CDHR1: variants seen among roughly 807,000 people sequenced by gnomAD.
CDHR1 encodes the protein cadherin-related family member 1.
CDHR1 carries 61 observed loss-of-function variants against 72.1 expected under a neutral mutation model. The ratio of observed to expected loss-of-function variants is 0.85; its 90% confidence interval spans 0.69 to 1.05. The LOEUF (loss-of-function observed/expected upper bound fraction) is 1.05, where lower values mean the gene tolerates loss of function less well. Ranked by LOEUF, CDHR1 falls within the 50% of genes least tolerant of loss-of-function variation. CDHR1 has a pLI of 0.00. For missense variants in CDHR1, 1,186 were observed against 1,115.7 expected (o/e 1.06, Z -0.90); for synonymous variants, 470 against 448.1 (o/e 1.05, Z -0.62).
At chr10:84,219,005 A>C, downstream of CDHR1, 1 of 627,196 alleles carries the variant, frequency 1.6e-6, no homozygotes, top group Non-Finnish European at 2.6e-6. Flanking sequence ...GAATAACCCT[A>C]TGAGGTAAGG....
At chr10:84,197,284 C>T (rs980273009) in intron 3 of CDHR1, among the ~76,000 whole-genome samples, 14 of 152,092 alleles carry the variant, frequency 9.2e-5, no homozygotes, top group African/African-American at 2.9e-4. Flanking sequence ...CTGCCAGTAC[C>T]CCACTCCCTG....
chr10:84,215,867 C>T lies in CDHR1; in HGVS notation c.*1246C>T, dbSNP rs1047483239. On this transcript the variant is annotated 3_prime_UTR_variant, in exon 17 of 17. Coordinates refer to ENST00000623527, the MANE Select transcript of CDHR1 (RefSeq NM_033100.4). ...TTCTGTTCTTCCCTCACTCCATCCCCGCTACCGTCCTGGCCAGCTACCGTC... is the reference window on the plus strand; with the variant it reads ...TTCTGTTCTTCCCTCACTCCATCCCTGCTACCGTCCTGGCCAGCTACCGTC... 2 of 985,522 alleles carry T rather than the reference C, an allele frequency of 2.0e-6. No individual in the cohort carries two copies. The highest frequency in any genetic ancestry group is 2.4e-6 in the Non-Finnish European group (2 of 830,022). 61.0% of individuals were successfully genotyped at this position (985,522 alleles called of 1,614,324 possible).
Position 84,216,653 on chromosome 10 carries a change from C to T in CDHR1, c.*2032C>T, listed in dbSNP as rs1031839998. 1.0e-6 allele frequency: 1 copy of T among 985,500 alleles called. No homozygotes were observed. Among genetic ancestry groups the T allele is most frequent in the Non-Finnish European group, 1.2e-6 (1 of 829,948 alleles). The allele number at this position is 985,500 out of a possible 1,614,324, so 61.0% of individuals were successfully genotyped here. On this transcript the variant is annotated 3_prime_UTR_variant, in exon 17 of 17. Coordinates refer to ENST00000623527, the MANE Select transcript of CDHR1 (RefSeq NM_033100.4). ...GCAGGTGGATCCATTCTTCGACCCC[C>T]AGATGTGACTCTAAAGAAGGCTGAA...
intron 4 of CDHR1, among the ~76,000 whole-genome samples, chr10:84,198,723 A>C (rs533010745): frequency 6.6e-6 from 1 of 152,320 alleles, no homozygotes; most frequent in South Asian, 2.1e-4. Flanking sequence ...TACTGCTGCT[A>C]TCACCTTGAG....
intron 5 of CDHR1, among the ~76,000 whole-genome samples, 165 bp downstream of exon 5, chr10:84,199,286 C>T (rs930584374): frequency 2.0e-5 from 3 of 152,202 alleles, no homozygotes; most frequent in Non-Finnish European, 4.4e-5. Flanking sequence ...TGTTCATTTG[C>T]TTTTTTCCAT....
chr10:84,210,321 A>T (rs1249495417), intron 12 of CDHR1, among the ~76,000 whole-genome samples: 5 of 151,976 alleles, frequency 3.3e-5, no homozygotes, highest in African/African-American at 1.2e-4. Context: ...GTTGGAGTGC[A>T]GTGGCACAAT....
intron 9 of CDHR1, among the ~76,000 whole-genome samples, 184 bp downstream of exon 9, chr10:84,204,789 A>G (rs1487998481): frequency 6.6e-6 from 1 of 152,170 alleles, no homozygotes; most frequent in South Asian, 2.1e-4. Context: ...CCTGCCTGTC[A>G]TGATATCCAA....
chr10:84,210,908 G>T, intron 12 of CDHR1, 93 bp from the exon 13 acceptor site: 1 of 1,378,032 alleles, frequency 7.3e-7, no homozygotes, highest in African/African-American at 1.4e-5. Context: ...CACGGCAGAT[G>T]GATGCCACAT....
At chr10:84,198,600 C>T (rs1842067981) in intron 4 of CDHR1, among the ~76,000 whole-genome samples, 1 of 152,212 alleles carries the variant, frequency 6.6e-6, no homozygotes, top group Non-Finnish European at 1.5e-5. Context: ...TCTAAGAAGC[C>T]CACCTGCTCT....
chr10:84,200,147 A>T (rs991392347), intron 5 of CDHR1, among the ~76,000 whole-genome samples: 10 of 149,570 alleles, frequency 6.7e-5, no homozygotes, highest in Non-Finnish European at 1.5e-4. Flanking sequence ...TCCAACCTGG[A>T]TAACAAGGGC....
rs140097244 is a variant in CDHR1 at position 84,212,214 on chromosome 10, C to T, written c.1589C>T (p.Thr530Ile). ...LIHPSTGLIY[T>I]QPWASLDAEA... ...CACCCATCCACTGGGCTTATCTACA[C>T]CCAGCCCTGGGCTAGCCTGGACGCT... The change falls in exon 15 of 17, where the codon ACC becomes ATC. Residue 530 changes from threonine (T) to isoleucine (I), a missense_variant. Transcript: ENST00000623527. 1 of 1,614,128 alleles carries T rather than the reference C, an allele frequency of 6.2e-7. No homozygotes were observed. The highest frequency in any genetic ancestry group is 2.2e-5 in the East Asian group (1 of 44,902).
rs1022664009 is a variant in CDHR1 at position 84,196,735 on chromosome 10, T to G, written c.297+85T>G. The G allele has an allele frequency of 4.0e-6, 6 of 1,496,966 alleles. No individual in the cohort carries two copies. In the African/African-American group the frequency reaches 8.3e-5, roughly 21 times the overall value. 92.7% of individuals were successfully genotyped at this position (1,496,966 alleles called of 1,614,324 possible). Reference sequence around the variant, plus strand: ...TGAAGTTCCCCTGGAGCACATTGGTTAGAACCTCTCCACAGAGTAGGGGAT... The same window carrying G: ...TGAAGTTCCCCTGGAGCACATTGGTGAGAACCTCTCCACAGAGTAGGGGAT... On this transcript the variant is annotated intron_variant, in intron 3 of 16. Coordinates refer to ENST00000623527, the MANE Select transcript of CDHR1 (RefSeq NM_033100.4).
chr10:84,203,040 G>A lies in CDHR1; in HGVS notation c.700G>A (p.Val234Ile), dbSNP rs148356887. The A allele has an allele frequency of 1.8e-4, 291 of 1,614,228 alleles. 1 individual carries two copies. The East Asian group carries it at 3.4e-3, about 19-fold the overall frequency. The change falls in exon 8 of 17, where the codon GTC (valine) becomes ATC (isoleucine). Residue 234 changes from valine to isoleucine, a missense_variant. By Grantham distance (29) the Val-to-Ile change is conservative. Transcript: ENST00000623527. The part of the protein sequence containing the change: ...VVFSATTTVT[V>I]NVEDVQDMAP... ...GTTCTCAGCCACCACCACGGTCACGGTCAATGTGGAGGATGTTCAGGACAT... is the reference window on the plus strand; with the variant it reads ...GTTCTCAGCCACCACCACGGTCACGATCAATGTGGAGGATGTTCAGGACAT...
rs1326642982 is a variant in CDHR1 at position 84,196,520 on chromosome 10, C to A, written c.167C>A (p.Thr56Asn). 5 of 1,614,230 alleles carry A rather than the reference C, an allele frequency of 3.1e-6. No homozygotes were observed. Among genetic ancestry groups the A allele is most frequent in the African/African-American group, 1.3e-5 (1 of 75,056 alleles). The change falls in exon 3 of 17, where the codon ACC becomes AAC. Residue 56 changes from threonine to asparagine, a missense_variant. Physicochemically the swap from Thr to Asn is moderately conservative, Grantham distance 65. Transcript: ENST00000623527. ...TTCCTTCCAGGCTCTCACGTATACA[C>A]CCTGAATGGGACAGACCCTGAGGGA... ...EDTPVGSHVY[T>N]LNGTDPEGDP...
At chr10:84,219,003 C>T (rs550755232), downstream of CDHR1, 66 of 624,618 alleles carry the variant, frequency 1.1e-4, no homozygotes, top group Non-Finnish European at 1.7e-4. Flanking sequence ...CAGAATAACC[C>T]TATGAGGTAA....
intron 8 of CDHR1, 116 bp downstream of exon 8, chr10:84,203,239 C>T: frequency 7.4e-7 from 1 of 1,347,620 alleles, no homozygotes; most frequent in South Asian, 1.2e-5. Flanking sequence ...GCCCTCCTCA[C>T]ACAGAGGCCA....
chr10:84,214,157 G>A lies in CDHR1; in HGVS notation c.2116G>A (p.Ala706Thr). Residue 706 changes from alanine to threonine, a missense_variant, in exon 17 of 17, where the codon GCC becomes ACC. Transcript: ENST00000623527. ...CCCCATGAAGGCCGTGGGTGTGCTG[G>A]CCGGCACCATGGCCACCGTCGTGGC... ...DNPMKAVGVL[A>T]GTMATVVAIT... 2 of 1,614,138 alleles carry A rather than the reference G, an allele frequency of 1.2e-6. No homozygotes were observed. The highest frequency in any genetic ancestry group is 1.7e-6 in the Non-Finnish European group (2 of 1,180,028).
Position 84,214,300 on chromosome 10 carries a change from T to C in CDHR1, c.2259T>C (p.Ile753=), listed in dbSNP as rs1589309528. The C allele has an allele frequency of 1.2e-6, 2 of 1,614,076 alleles. No homozygotes were observed. ...GCCCTGCGCCCCGCACCATCCGCATTGAGTGGCTCAAGTCCAAGAGCACCA... is the reference window on the plus strand; with the variant it reads ...GCCCTGCGCCCCGCACCATCCGCATCGAGTGGCTCAAGTCCAAGAGCACCA... The part of the protein sequence containing the change: ...RPSPAPRTIR[I]EWLKSKSTKA... The change falls in exon 17 of 17, where the codon ATT becomes ATC. Residue 753 remains isoleucine, a synonymous_variant. Transcript: ENST00000623527.
chr10:84,194,684 C>T lies in CDHR1; in HGVS notation c.-77C>T. ...ACCCCCATTGTGGTCTCTGCCCTCC[C>T]CGCGGGCCCAGGGCATGCTCCGTGC... is the stretch of plus-strand genomic sequence containing the variant. On this transcript the variant is annotated 5_prime_UTR_variant, in exon 1 of 17. Transcript: ENST00000623527. The T allele has an allele frequency of 7.1e-6, 9 of 1,264,878 alleles. No homozygotes were observed. The highest frequency in any genetic ancestry group is 8.3e-6 in the Non-Finnish European group (8 of 967,504). 78.4% of individuals were successfully genotyped at this position (1,264,878 alleles called of 1,614,324 possible).
Sources: gnomAD v4.1 joint callset for allele counts (sites outside exome capture counted in the v4.1 genomes callset) on GRCh38, gnomAD v4.1.1 for gene constraint, MANE v1.5 for transcripts, NCBI Gene and HGNC (gene_info 2026-07-23, HGNC 2026-07-21) for gene names.